DNAH5: variants seen among roughly 807,000 people sequenced by gnomAD.
DNAH5 encodes axonemal beta dynein heavy chain 5.
Under a neutral mutation model 518.2 loss-of-function variants are expected in DNAH5, and 372 were observed. The observed-to-expected ratio is 0.72, with a 90% CI of 0.66 to 0.78. The LOEUF (loss-of-function observed/expected upper bound fraction) is 0.78. Among genes scored for constraint, DNAH5 ranks in the 30% least tolerant of loss-of-function variants. DNAH5 has a pLI of 0.00. For synonymous variants in DNAH5, 2,039 were observed against 2,025.9 expected (o/e 1.01, Z -0.17); for missense variants, 5,523 against 5,687.0 (o/e 0.97, Z 0.93).
At chr5:13,752,437 G>T in intron 63 of DNAH5, 148 bp from the exon 64 acceptor site, 1 of 926,656 alleles carries the variant, frequency 1.1e-6, no homozygotes, top group Non-Finnish European at 1.7e-6. Context: ...TACAAAACTT[G>T]TTGAGAGCCC....
chr5:13,935,303 A>G (rs28660091), intron 1 of DNAH5, among the ~76,000 whole-genome samples: 62,091 of 151,876 alleles, frequency 0.41, 14,293 homozygotes, highest in East Asian at 0.7. Context: ...GATTCCAGAG[A>G]AAAAAACATC....
At chr5:13,736,046 G>A in intron 66 of DNAH5, 114 bp from the exon 67 acceptor site, 3 of 785,446 alleles carry the variant, frequency 3.8e-6, no homozygotes, top group Non-Finnish European at 6.8e-6. Context: ...TTAGGCAGTG[G>A]CTGCCTACCA....
chr5:13,956,457 G>A (rs868308493), intron 1 of DNAH5, among the ~76,000 whole-genome samples: 1 of 152,054 alleles, frequency 6.6e-6, no homozygotes, highest in Non-Finnish European at 1.5e-5. Context: ...CCCCTTGAAG[G>A]TGTCCTTTTT....
intron 1 of DNAH5, among the ~76,000 whole-genome samples, chr5:13,983,485 G>A (rs957400308): frequency 6.6e-6 from 1 of 152,182 alleles, no homozygotes; most frequent in Admixed American, 6.5e-5. Flanking sequence ...TAAAACACAA[G>A]AATACACAAA....
intron 12 of DNAH5, among the ~76,000 whole-genome samples, chr5:13,909,854 A>G (rs1463071988): frequency 6.6e-6 from 1 of 152,208 alleles, no homozygotes; most frequent in Non-Finnish European, 1.5e-5. Context: ...ACAGCATAGA[A>G]GTCTAATACA....
intron 2 of DNAH5, among the ~76,000 whole-genome samples, chr5:13,929,474 T>G (rs1208255236): frequency 8.7e-6 from 1 of 115,272 alleles, no homozygotes; most frequent in African/African-American, 3.7e-5. Flanking sequence ...GTTAAGATGG[T>G]GAATTTTATG....
At position 13,708,233 on chromosome 5, in the gene DNAH5, T is replaced by C; in HGVS notation, c.13228A>G (p.Thr4410Ala). ...MQRVLSLVRS[T>A]LTELKLAIDG... is the part of the protein sequence containing the mutation. ...ATAGCAAGTTTCAGCTCAGTGAGGG[T>C]GCTGCGGACAAGGCTGAGTACCCTT... is the stretch of plus-strand genomic sequence containing the variant. The change falls in exon 76 of 79, where the codon ACC becomes GCC. Residue 4410 changes from threonine to alanine, a missense_variant. By Grantham distance (58) the Thr-to-Ala change is moderately conservative. This residue lies in a region of DNAH5 where 387 missense variants were observed against 430.0 expected (regional missense o/e 0.90). Coordinates refer to ENST00000265104, the MANE Select transcript of DNAH5 (RefSeq NM_001369.3). 2 of 1,614,148 alleles carry C rather than the reference T, an allele frequency of 1.2e-6. No homozygotes were observed. The highest frequency in any genetic ancestry group is 1.7e-6 in the Non-Finnish European group (2 of 1,180,006).
chr5:13,791,998 G>T lies in DNAH5; in HGVS notation c.8444C>A (p.Pro2815Gln). The change falls in exon 50 of 79, where the codon CCA becomes CAA. Residue 2815 changes from proline to glutamine, a missense_variant. By Grantham distance (76) the Pro-to-Gln change is moderately conservative (BLOSUM62 -1). Coordinates refer to ENST00000265104, the MANE Select transcript of DNAH5 (RefSeq NM_001369.3). ...TCTTTCTTCAGTGTCACTTACATTT[G>T]GTTCCTTGATGACCTCTGAAGTAGT... ...LNTTSEVIKEPNDLLKLWKHE... is the reference protein window; with the variant it reads ...LNTTSEVIKEQNDLLKLWKHE... 1 of 1,611,928 alleles carries T rather than the reference G, an allele frequency of 6.2e-7. No homozygotes were observed. Among genetic ancestry groups the T allele is most frequent in the Non-Finnish European group, 8.5e-7 (1 of 1,178,278 alleles).
At position 13,923,408 on chromosome 5, in the gene DNAH5, C is replaced by T; in HGVS notation, c.310G>A (p.Val104Ile). 2.5e-6 allele frequency: 4 copies of T among 1,614,158 alleles called. No homozygotes were observed. The highest frequency in any genetic ancestry group is 3.4e-6 in the Non-Finnish European group (4 of 1,179,984). ...TTAGGTTTTTTAATCTTTCCAGAAACAAGATTTACCCCTCCTAGAGAGCCA... is the reference window on the plus strand; with the variant it reads ...TTAGGTTTTTTAATCTTTCCAGAAATAAGATTTACCCCTCCTAGAGAGCCA... ...QLGSLGGVNL[V>I]SGKIKKPKVF... Residue 104 changes from valine to isoleucine, a missense_variant, in exon 4 of 79, where the codon GTT becomes ATT. Val to Ile is a conservative substitution (Grantham distance 29, BLOSUM62 3). Transcript: ENST00000265104.
Position 13,923,276 on chromosome 5 carries a change from T to C in DNAH5, c.438+4A>G. 2 of 1,614,166 alleles carry C rather than the reference T, an allele frequency of 1.2e-6. No individual in the cohort carries two copies. Among genetic ancestry groups the C allele is most frequent in the Non-Finnish European group, 1.7e-6 (2 of 1,179,980 alleles). On this transcript the variant is annotated splice_donor_region_variant and intron_variant, in intron 4 of 78. Transcript: ENST00000265104. ...CAGAGTAAACAATGGCTCTTGCCCC[T>C]TACCTGGTGGATGTTGTCAGGGGTG...
intron 35 of DNAH5, among the ~76,000 whole-genome samples, chr5:13,836,569 C>G (rs762513704): frequency 6.6e-6 from 1 of 152,130 alleles, no homozygotes; most frequent in Non-Finnish European, 1.5e-5. Context: ...TCAAGAAAGA[C>G]GAGATCCAGG....
intron 1 of DNAH5, among the ~76,000 whole-genome samples, chr5:14,008,126 C>T (rs1200226955): frequency 1.3e-5 from 2 of 149,152 alleles, no homozygotes; most frequent in Non-Finnish European, 3.0e-5. Context: ...GAGCCGAGAT[C>T]GCGCCATTGC....
At position 13,810,216 on chromosome 5, in the gene DNAH5, G is replaced by C. The variant is rs561666802; in HGVS notation, c.7452C>G (p.Phe2484Leu). The change falls in exon 45 of 79, where the codon TTC becomes TTG. Residue 2484 changes from phenylalanine to leucine, a missense_variant. Phe to Leu is a conservative substitution (Grantham distance 22). This residue lies in a region of DNAH5 where 5,121 missense variants were observed against 5,223.3 expected (regional missense o/e 0.98). Coordinates refer to ENST00000265104, the MANE Select transcript of DNAH5 (RefSeq NM_001369.3). ...CCGCGCTCCACAGCAGCGCGAACAC[G>C]AACAGCCGCCCCAGGTGAGCCTGGC... The part of the protein sequence containing the change: ...EVSQAHLGRL[F>L]VFALLWSAGA... The C allele has an allele frequency of 5.2e-6, 8 of 1,550,406 alleles. No homozygotes were observed. Among genetic ancestry groups the C allele is most frequent in the African/African-American group, 1.4e-5 (1 of 73,018 alleles).
In DNAH5 at chr5:13,837,102, G is replaced by A. The variant is rs146282918; in HGVS notation, c.5882+2254C>T. Among the ~76,000 whole-genome samples, 1,211 of 152,290 alleles carry A rather than the reference G, an allele frequency of 8.0e-3. 61 individuals carry two copies. Among genetic ancestry groups the A allele is most frequent in the Admixed American group, 0.075 (1,140 of 15,288 alleles). On this transcript the variant is annotated intron_variant, in intron 35 of 78. Coordinates refer to ENST00000265104, the MANE Select transcript of DNAH5 (RefSeq NM_001369.3). ...AACTCAGTCTCTGGGAAGAAACACA[G>A]CCCTGCAGACACCTGATTACAATCC... is the stretch of plus-strand genomic sequence containing the variant.
At chr5:13,849,898 G>T (rs984692854) in intron 31 of DNAH5, among the ~76,000 whole-genome samples, 33 of 152,048 alleles carry the variant, frequency 2.2e-4, no homozygotes. Context: ...GCCATCAACT[G>T]CATCTATGAG....
intron 17 of DNAH5, among the ~76,000 whole-genome samples, chr5:13,888,644 G>A (rs1173894079): frequency 5.3e-5 from 8 of 152,226 alleles, no homozygotes; most frequent in East Asian, 1.9e-4. Flanking sequence ...TAAAGTAAAA[G>A]TAGTAAACTA....
chr5:13,954,005 G>C (rs1052488626), intron 1 of DNAH5, among the ~76,000 whole-genome samples: 44 of 152,240 alleles, frequency 2.9e-4, no homozygotes, highest in African/African-American at 1.0e-3. Flanking sequence ...GCCACGCCCG[G>C]CCAGTTCCTG....
At chr5:13,884,928 A>T (rs1772184648) in intron 19 of DNAH5, 61 bp downstream of exon 19, 1 of 1,611,974 alleles carries the variant, frequency 6.2e-7, no homozygotes, top group Non-Finnish European at 8.5e-7. Flanking sequence ...ACACACACAC[A>T]CACACATACC....
chr5:13,785,494 G>A (rs1409575133), intron 52 of DNAH5, among the ~76,000 whole-genome samples: 2 of 152,082 alleles, frequency 1.3e-5, no homozygotes, highest in Non-Finnish European at 2.9e-5. Context: ...TTAAATTATT[G>A]TTTCTAATCA....
Sources: gnomAD v4.1 joint callset for allele counts (sites outside exome capture counted in the v4.1 genomes callset) on GRCh38, gnomAD v4.1.1 for gene constraint, gnomAD v4.1.1 regional missense constraint, MANE v1.5 for transcripts, NCBI Gene and HGNC (gene_info 2026-07-23, HGNC 2026-07-21) for gene names.